RGL1: variants seen among roughly 807,000 people sequenced by gnomAD.
RGL1 encodes ral guanine nucleotide dissociation stimulator like 1.
RGL1 carries 24 observed loss-of-function variants against 95.2 expected under a neutral mutation model. That is an observed-to-expected ratio of 0.25 (90% confidence interval 0.18 to 0.35). RGL1 has a LOEUF of 0.35. Among genes scored for constraint, RGL1 ranks in the 10% least tolerant of loss-of-function variants. The pLI is 1.00. For synonymous variants in RGL1, 329 were observed against 344.9 expected (o/e 0.95, Z 0.51); for missense variants, 715 against 936.3 (o/e 0.76, Z 3.08).
At chr1:183,747,623 A>C (rs1657725042) in intron 2 of RGL1, among the ~76,000 whole-genome samples, 1 of 152,138 alleles carries the variant, frequency 6.6e-6, no homozygotes. Flanking sequence ...TTTGCTGTGC[A>C]GAAGCTCTAC....
chr1:183,905,080 G>A, intron 13 of RGL1, 109 bp downstream of exon 13: 1 of 1,382,634 alleles, frequency 7.2e-7, no homozygotes, highest in South Asian at 1.5e-5. Context: ...GTGAGCAGCT[G>A]CTAGGTTCCA....
intron 1 of RGL1, among the ~76,000 whole-genome samples, chr1:183,737,852 C>T (rs1657039590): frequency 6.6e-6 from 1 of 151,962 alleles, no homozygotes; most frequent in South Asian, 2.1e-4. Flanking sequence ...CCTTTTTTCA[C>T]CCCACTCCCA....
chr1:183,842,465 C>G (rs913020424), intron 2 of RGL1, among the ~76,000 whole-genome samples: 1 of 151,820 alleles, frequency 6.6e-6, no homozygotes, highest in African/African-American at 2.4e-5. Context: ...TGCCCTTTTT[C>G]CTCTCCGTCT....
In RGL1 at chr1:183,776,858, G is replaced by A. The variant is rs114185796; in HGVS notation, c.133-29517G>A. ...ATGACCCCCATCTGTCACTGTTAGC[G>A]AGGTCTCCATTTTTTGTACTAATGT... is the stretch of plus-strand genomic sequence containing the variant. On this transcript the variant is annotated intron_variant, in intron 2 of 18. Coordinates refer to the RGL1 transcript ENST00000304685. Among the ~76,000 whole-genome samples the A allele has an allele frequency of 6.2e-3, 949 of 152,292 alleles. 4 individuals are homozygous for A. The highest frequency in any genetic ancestry group is 9.3e-3 in the Non-Finnish European group (630 of 68,028).
rs563915727 is a variant in RGL1, at chr1:183,897,431, C to T, written c.1141-377C>T. Among the ~76,000 whole-genome samples, 11 of 152,242 alleles carry T rather than the reference C, an allele frequency of 7.2e-5. 1 individual carries two copies. In the South Asian group the frequency reaches 2.1e-3, roughly 29 times the overall value. On this transcript the variant is annotated intron_variant, in intron 9 of 17. Coordinates refer to ENST00000360851, the MANE Select transcript of RGL1 (RefSeq NM_001297671.3). ...CCAGGTGGTGGCGCATTCCTCTAATCCCAGCTACTCGGGAGGCTGAGGCAG... is the reference window on the plus strand; with the variant it reads ...CCAGGTGGTGGCGCATTCCTCTAATTCCAGCTACTCGGGAGGCTGAGGCAG...
chr1:183,890,264 G>A (rs978847731), intron 8 of RGL1, among the ~76,000 whole-genome samples: 2 of 152,126 alleles, frequency 1.3e-5, no homozygotes, highest in South Asian at 2.1e-4. Flanking sequence ...GGAAAGTCAC[G>A]TAACCAGCCT....
chr1:183,699,817 CT>C (rs1428639242), intron 1 of RGL1, among the ~76,000 whole-genome samples: 6 of 152,190 alleles, frequency 3.9e-5, no homozygotes, highest in Non-Finnish European at 8.8e-5. Flanking sequence ...TCATCAGCCC[CT>C]TCCTCATTCT....
Position 183,883,814 on chromosome 1 carries a change from C to T in RGL1, c.639C>T (p.Ser213=). 2 of 1,614,072 alleles carry T rather than the reference C, an allele frequency of 1.2e-6. No individual in the cohort carries two copies. The highest frequency in any genetic ancestry group is 1.1e-5 in the South Asian group (1 of 91,080). Residue 213 remains serine (S), a synonymous_variant, in exon 6 of 18, where the codon AGC becomes AGT. Coordinates refer to ENST00000360851, the MANE Select transcript of RGL1 (RefSeq NM_001297671.3). ...DNGLPNTISF[S]LEEEEELEGG... ...GGCTTCCCAACACGATCTCCTTCAGCCTGGAAGAGGAAGAGGAACTGGAGG... is the reference window on the plus strand; with the variant it reads ...GGCTTCCCAACACGATCTCCTTCAGTCTGGAAGAGGAAGAGGAACTGGAGG...
At chr1:183,868,433 C>T (rs1039804599) in intron 4 of RGL1, among the ~76,000 whole-genome samples, 1 of 152,140 alleles carries the variant, frequency 6.6e-6, no homozygotes, top group Non-Finnish European at 1.5e-5. Context: ...CCTTCTCGCT[C>T]AAAGTGTGAC....
chr1:183,787,941 C>T (rs1660259916), intron 2 of RGL1, among the ~76,000 whole-genome samples: 2 of 152,144 alleles, frequency 1.3e-5, no homozygotes, highest in African/African-American at 4.8e-5. Flanking sequence ...CTGAAGCCCT[C>T]AGCAGATGCA....
At chr1:183,717,859 CAGA>C (rs902717167) in intron 1 of RGL1, among the ~76,000 whole-genome samples, 1 of 152,190 alleles carries the variant, frequency 6.6e-6, no homozygotes, top group African/African-American at 2.4e-5. Context: ...GGTATGAGCA[CAGA>C]AGAAGTCTTC....
At chr1:183,761,371 T>A (rs1254209844) in intron 2 of RGL1, among the ~76,000 whole-genome samples, 2 of 152,216 alleles carry the variant, frequency 1.3e-5, no homozygotes, top group Non-Finnish European at 2.9e-5. Flanking sequence ...AAAACAACAA[T>A]CTCCTTGCAC....
At chr1:183,668,910 C>T (rs377548105) in intron 1 of RGL1, among the ~76,000 whole-genome samples, 1 of 138,536 alleles carries the variant, frequency 7.2e-6, no homozygotes, top group Admixed American at 7.1e-5. Flanking sequence ...AGTCTGTTTT[C>T]TTTTTGCTTT....
At chr1:183,807,816 C>T (rs977878522) in intron 2 of RGL1, among the ~76,000 whole-genome samples, 2 of 152,174 alleles carry the variant, frequency 1.3e-5, no homozygotes. Context: ...CTACCTTACT[C>T]AGAATATGAT....
At chr1:183,897,277 T>C (rs1317803059) in intron 9 of RGL1, among the ~76,000 whole-genome samples, 2 of 152,196 alleles carry the variant, frequency 1.3e-5, no homozygotes, top group African/African-American at 4.8e-5. Flanking sequence ...CTCATGCCTG[T>C]AATCCCAGCA....
chr1:183,826,707 G>A (rs1261301055), intron 2 of RGL1, among the ~76,000 whole-genome samples: 1 of 152,162 alleles, frequency 6.6e-6, no homozygotes, highest in Admixed American at 6.5e-5. Context: ...ATGGCCTACT[G>A]AGCTGTAAAT....
chr1:183,887,972 C>T (rs1418892477), intron 7 of RGL1, among the ~76,000 whole-genome samples: 1 of 152,124 alleles, frequency 6.6e-6, no homozygotes, highest in Non-Finnish European at 1.5e-5. Flanking sequence ...GCATAAAAGC[C>T]AAAGTTCAAC....
At chr1:183,833,784 G>A (rs1663431413) in intron 2 of RGL1, among the ~76,000 whole-genome samples, 1 of 152,132 alleles carries the variant, frequency 6.6e-6, no homozygotes, top group African/African-American at 2.4e-5. Context: ...AGTTACCACA[G>A]CACTGCTGGA....
chr1:183,820,851 T>C (rs1478036847), intron 2 of RGL1, among the ~76,000 whole-genome samples: 4 of 152,126 alleles, frequency 2.6e-5, no homozygotes, highest in Non-Finnish European at 5.9e-5. Context: ...CTGGGCGCGG[T>C]GGCTCATGCC....
Sources: gnomAD v4.1 joint callset for allele counts (sites outside exome capture counted in the v4.1 genomes callset) on GRCh38, gnomAD v4.1.1 for gene constraint, MANE v1.5 for transcripts, NCBI Gene and HGNC (gene_info 2026-07-23, HGNC 2026-07-21) for gene names.